The following RNF144B variants were observed in gnomAD, a reference collection of about 807,000 sequenced individuals.
The protein encoded by RNF144B is ring finger protein 144B.
A neutral mutation model predicts 40.2 loss-of-function variants in RNF144B; 25 were observed. The ratio of observed to expected loss-of-function variants is 0.62; its 90% confidence interval spans 0.45 to 0.87. The LOEUF is 0.87. Among genes scored for constraint, RNF144B ranks in the 40% least tolerant of loss-of-function variants. The pLI is 0.00. For synonymous variants in RNF144B, 145 were observed against 136.3 expected (o/e 1.06, Z -0.44); for missense variants, 365 against 373.7 (o/e 0.98, Z 0.19).
In RNF144B at chr6:18,399,612, C is replaced by A. The variant is rs746365234; in HGVS notation, c.78C>A (p.Pro26=). The A allele has an allele frequency of 3.7e-6, 6 of 1,614,146 alleles. No homozygotes were observed. The highest frequency in any genetic ancestry group is 2.2e-5 in the East Asian group (1 of 44,876). ...NPTPGDLAPA[P]LITCKLCLCE... is the part of the protein sequence containing the mutation. ...CTCCTGGAGACCTGGCTCCGGCCCC[C>A]CTCATCACTTGCAAACTCTGCCTGT... The change falls in exon 2 of 8, where the codon CCC becomes CCA. Residue 26 remains proline, a synonymous_variant. Transcript: ENST00000259939.
At chr6:18,455,384 G>A (rs1205825348) in intron 4 of RNF144B, among the ~76,000 whole-genome samples, 2 of 152,104 alleles carry the variant, frequency 1.3e-5, no homozygotes, top group Non-Finnish European at 2.9e-5. Flanking sequence ...TCATTTCTAG[G>A]CGAGACATTA....
intron 2 of RNF144B, among the ~76,000 whole-genome samples, chr6:18,409,084 C>T (rs577493429): frequency 1.7e-4 from 26 of 151,920 alleles, no homozygotes; most frequent in African/African-American, 6.3e-4. Flanking sequence ...TATATTTACA[C>T]AATTCTATAG....
chr6:18,451,804 G>T (rs982543721), intron 4 of RNF144B, among the ~76,000 whole-genome samples: 6 of 152,176 alleles, frequency 3.9e-5, no homozygotes, highest in African/African-American at 1.2e-4. Flanking sequence ...ATAGAGAATA[G>T]AATTCTAAAA....
rs1253987080 is a variant in RNF144B, at chr6:18,395,980, C to T, written c.-36-3519C>T. Among the ~76,000 whole-genome samples the T allele has an allele frequency of 6.6e-6, 1 of 152,106 alleles. No individual in the cohort carries two copies. ...AGGAGATGAAATATGTAACTTTTTT[C>T]CTCTATGTCACTGAGTCATAAGTCC... On this transcript the variant is annotated intron_variant, in intron 1 of 7. Transcript: ENST00000259939. This position sits in a 1 kb window ranked among gnomAD's most constrained non-coding sequence, Gnocchi z 4.5.
At chr6:18,432,130 T>C (rs563991360) in intron 3 of RNF144B, among the ~76,000 whole-genome samples, 1 of 152,340 alleles carries the variant, frequency 6.6e-6, no homozygotes, top group African/African-American at 2.4e-5. Context: ...TTATAAGTAA[T>C]CTAAAAATGA....
At chr6:18,463,618 T>G (rs1759516669) in intron 7 of RNF144B, among the ~76,000 whole-genome samples, 1 of 152,214 alleles carries the variant, frequency 6.6e-6, no homozygotes, top group Non-Finnish European at 1.5e-5. Flanking sequence ...TGCCAGGCAG[T>G]CAACAGTGAC....
chr6:18,436,905 GT>G (rs5874640), intron 3 of RNF144B, among the ~76,000 whole-genome samples: 119,104 of 150,604 alleles, frequency 0.79, 47,246 homozygotes, highest in East Asian at 0.96. Flanking sequence ...TTGTTGTTGT[GT>G]TTTTTTTTTG....
intron 2 of RNF144B, among the ~76,000 whole-genome samples, chr6:18,426,146 G>C (rs1758544361): frequency 6.6e-6 from 1 of 152,082 alleles, no homozygotes; most frequent in South Asian, 2.1e-4. Flanking sequence ...TTTACTTTTG[G>C]CTCATGCTTT....
chr6:18,404,083 A>G (rs1226442398), intron 2 of RNF144B, among the ~76,000 whole-genome samples: 1 of 152,212 alleles, frequency 6.6e-6, no homozygotes, highest in African/African-American at 2.4e-5. Context: ...TGGTGGGGAT[A>G]AACAAACCAT....
chr6:18,413,617 G>A (rs192614961), intron 2 of RNF144B, among the ~76,000 whole-genome samples: 1 of 152,158 alleles, frequency 6.6e-6, no homozygotes, highest in Non-Finnish European at 1.5e-5. Flanking sequence ...TGAAGTCAAG[G>A]TTCAAGGCCA....
chr6:18,412,346 ATTG>A lies in RNF144B; in HGVS notation c.165+12652_165+12654del, dbSNP rs1336730398. On this transcript the variant is annotated intron_variant, in intron 2 of 7. Transcript: ENST00000259939. The surrounding 1 kb of genome is among the most constrained non-coding windows in gnomAD (Gnocchi z 4.2). ...ACTTCCTCTTTTTAGGAGGAAGCAA[ATTG>A]TTGTAAGAGAAGCTCATCTCATGAA... Among the ~76,000 whole-genome samples the A allele has an allele frequency of 6.6e-6, 1 of 152,122 alleles. No homozygotes were observed. The highest frequency in any genetic ancestry group is 1.5e-5 in the Non-Finnish European group (1 of 68,028).
intron 3 of RNF144B, among the ~76,000 whole-genome samples, chr6:18,430,539 T>C (rs1373117527): frequency 6.6e-6 from 1 of 152,062 alleles, no homozygotes; most frequent in Non-Finnish European, 1.5e-5. Flanking sequence ...CTGTTGCCCA[T>C]GCTGGAGTAC....
In RNF144B at chr6:18,467,287, A is replaced by G. The variant is rs1759589763; in HGVS notation, c.*2220A>G. ...CCTAAAAGACTGTGTTATCAGAGGA[A>G]GAGGTCCCAAATTTGGAGTAAAGAT... On this transcript the variant is annotated 3_prime_UTR_variant, in exon 8 of 8. Transcript: ENST00000259939. The G allele has an allele frequency of 6.6e-6, 1 of 152,510 alleles. No homozygotes were observed. Among genetic ancestry groups the G allele is most frequent in the East Asian group, 1.9e-4 (1 of 5,194 alleles). 9.4% of individuals were successfully genotyped at this position (152,510 alleles called of 1,614,324 possible). A position where few individuals can be genotyped will look rare whatever the true frequency, so the allele number is the denominator to read the frequency against.
Position 18,416,206 on chromosome 6 carries a change from A to T in RNF144B, c.166-11375A>T, listed in dbSNP as rs9358164. 0.3 allele frequency among the ~76,000 whole-genome samples: 45,173 copies of T among 152,124 alleles called. 7,326 individuals carry two copies. Among genetic ancestry groups the T allele is most frequent in the African/African-American group, 0.44 (18,236 of 41,464 alleles). On this transcript the variant is annotated intron_variant, in intron 2 of 7. Transcript: ENST00000259939. This position sits in a 1 kb window ranked among gnomAD's most constrained non-coding sequence, Gnocchi z 5.5. ...CCAGAGGGATCTCTTTGGGATTAGTATAAAAAGTGGGGCCTCCTTCTGTTA... is the reference window on the plus strand; with the variant it reads ...CCAGAGGGATCTCTTTGGGATTAGTTTAAAAAGTGGGGCCTCCTTCTGTTA...
intron 3 of RNF144B, among the ~76,000 whole-genome samples, chr6:18,432,176 A>T (rs923534025): frequency 6.6e-6 from 1 of 152,232 alleles, no homozygotes; most frequent in African/African-American, 2.4e-5. Flanking sequence ...TGCATAAGTT[A>T]TATTTTAGTA....
At chr6:18,439,582 A>G in intron 3 of RNF144B, 102 bp from the exon 4 acceptor site, 2 of 797,226 alleles carry the variant, frequency 2.5e-6, no homozygotes, top group Non-Finnish European at 4.4e-6. Flanking sequence ...CAATTGGTGT[A>G]GAGAAAGTAT....
intron 4 of RNF144B, among the ~76,000 whole-genome samples, chr6:18,445,746 G>T (rs1424051504): frequency 2.0e-5 from 3 of 152,092 alleles, no homozygotes; most frequent in Non-Finnish European, 2.9e-5. Flanking sequence ...GCTACATAAT[G>T]TTTTCATCAC....
intron 2 of RNF144B, among the ~76,000 whole-genome samples, chr6:18,401,468 A>G (rs970064177): frequency 1.3e-5 from 2 of 152,152 alleles, no homozygotes; most frequent in Non-Finnish European, 2.9e-5. Flanking sequence ...ATCCTTTTGC[A>G]CCTAGAAACA....
chr6:18,451,372 G>A (rs564094377), intron 4 of RNF144B, among the ~76,000 whole-genome samples: 3 of 152,284 alleles, frequency 2.0e-5, no homozygotes, highest in African/African-American at 7.2e-5. Context: ...ATCTGGAGAA[G>A]TTATTTGGAA....
Sources: allele counts gnomAD v4.1 joint callset (sites outside exome capture counted in the v4.1 genomes callset), GRCh38; gene constraint gnomAD v4.1.1; non-coding constraint Gnocchi (gnomAD v3.1); transcripts MANE v1.5; gene names NCBI Gene and HGNC (gene_info 2026-07-23, HGNC 2026-07-21).